RTF2: variants seen among roughly 807,000 people sequenced by gnomAD.
RTF2 encodes replication termination factor 2.
A neutral mutation model predicts 38.0 loss-of-function variants in RTF2; 18 were observed. The ratio of observed to expected loss-of-function variants is 0.47; its 90% CI spans 0.33 to 0.70. The LOEUF is 0.70. Ranked by LOEUF, RTF2 falls within the 30% of genes least tolerant of loss-of-function variation. The pLI, the probability that RTF2 is intolerant of heterozygous loss-of-function variation, is 0.02. For missense variants in RTF2, 311 were observed against 379.6 expected, an observed-to-expected ratio of 0.82 and a Z score of 1.50; for synonymous variants, 126 against 137.1, an observed-to-expected ratio of 0.92 and a Z score of 0.57.
In RTF2 at chr20:56,518,120, A is replaced by G. The variant is rs747742676; in HGVS notation, c.776A>G (p.Lys259Arg). The G allele has an allele frequency of 2.5e-6, 4 of 1,613,172 alleles. No homozygotes were observed. In the South Asian group the frequency reaches 3.3e-5, roughly 13 times the overall value. ...GAGAGCTCTTCTGGAAAAGCTGGGA[A>G]GCCTCCGTGTGGAGCCACAAAGAGG... ...MNESSSGKAG[K>R]PPCGATKRSI... The change falls in exon 9 of 9, where the codon AAG (lysine) becomes AGG (arginine). Residue 259 changes from lysine to arginine, a missense_variant. Lys to Arg is a conservative substitution (Grantham distance 26, BLOSUM62 2). Coordinates refer to ENST00000357348, the MANE Select transcript of RTF2 (RefSeq NM_016407.5).
Position 56,517,348 on chromosome 20 carries a change from G to T in RTF2, c.742+147G>T, listed in dbSNP as rs998789712. Reference sequence around the variant, plus strand: ...GAGAGTGCACTGAACTCTCTTTAGGGGGGTAACTAAGAAATATTGAACACA... The same window carrying T: ...GAGAGTGCACTGAACTCTCTTTAGGTGGGTAACTAAGAAATATTGAACACA... On this transcript the variant is annotated intron_variant, in intron 8 of 8. Coordinates refer to ENST00000357348, the MANE Select transcript of RTF2 (RefSeq NM_016407.5). The T allele has an allele frequency of 1.4e-5, 9 of 656,596 alleles. No homozygotes were observed. In the African/African-American group the frequency reaches 1.6e-4, roughly 12 times the overall value. 40.7% of individuals were successfully genotyped at this position (656,596 alleles called of 1,614,324 possible). A position where few individuals can be genotyped will look rare whatever the true frequency, so the allele number is the denominator to read the frequency against.
intron 5 of RTF2, among the ~76,000 whole-genome samples, chr20:56,493,322 A>G (rs2146340116): frequency 6.6e-6 from 1 of 152,298 alleles, no homozygotes; most frequent in East Asian, 1.9e-4. Context: ...ATTTGCTACA[A>G]TGTGCTAGAA....
At chr20:56,497,792 C>G (rs1319978744) in intron 5 of RTF2, 4 of 342,878 alleles carry the variant, frequency 1.2e-5, no homozygotes, top group Non-Finnish European at 2.1e-5. Context: ...AAGCATTTCC[C>G]TCACTCTTCA....
intron 4 of RTF2, among the ~76,000 whole-genome samples, chr20:56,483,180 C>T (rs1288743567): frequency 6.6e-6 from 1 of 152,136 alleles, no homozygotes; most frequent in East Asian, 1.9e-4. Flanking sequence ...CACATTTGTA[C>T]ATTTGCACAC....
chr20:56,500,925 G>C (rs965976509), intron 5 of RTF2, among the ~76,000 whole-genome samples: 2 of 151,976 alleles, frequency 1.3e-5, no homozygotes, highest in Non-Finnish European at 2.9e-5. Context: ...GGGACTACAG[G>C]CATCTGGCTG....
chr20:56,499,414 C>T lies in RTF2; in HGVS notation c.478-13901C>T, dbSNP rs550335007. Among the ~76,000 whole-genome samples, 614 of 152,120 alleles carry T rather than the reference C, an allele frequency of 4.0e-3. 4 individuals are homozygous for T. The highest frequency in any genetic ancestry group is 0.014 in the African/African-American group (580 of 41,532). On this transcript the variant is annotated intron_variant, in intron 5 of 8. Coordinates refer to ENST00000357348, the MANE Select transcript of RTF2 (RefSeq NM_016407.5). ...GCCAGGCTGGTCTCAAACTCCTGAC[C>T]TCGTGATCCACCCGCCTAGGCCTCC...
intron 5 of RTF2, among the ~76,000 whole-genome samples, chr20:56,486,179 C>T (rs1032275386): frequency 1.3e-5 from 2 of 152,048 alleles, no homozygotes; most frequent in Admixed American, 1.3e-4. Context: ...AGAAAGTCTC[C>T]CTTTAATCTT....
intron 3 of RTF2, among the ~76,000 whole-genome samples, chr20:56,476,409 G>A (rs551566725): frequency 3.3e-5 from 5 of 151,848 alleles, no homozygotes; most frequent in East Asian, 3.9e-4. Flanking sequence ...TATGTAAGAG[G>A]GTACTTTTCC....
intron 5 of RTF2, among the ~76,000 whole-genome samples, chr20:56,495,764 G>A (rs1983489377): frequency 6.6e-6 from 1 of 152,234 alleles, no homozygotes; most frequent in East Asian, 1.9e-4. Context: ...CACTGTCTAG[G>A]CTGATTAGCT....
intron 5 of RTF2, among the ~76,000 whole-genome samples, chr20:56,511,322 G>A (rs907283083): frequency 6.6e-6 from 1 of 152,000 alleles, no homozygotes; most frequent in Admixed American, 6.6e-5. Context: ...CACAAACCCT[G>A]TTGTGAACTG....
At chr20:56,483,603 T>C (rs142546678) in intron 4 of RTF2, among the ~76,000 whole-genome samples, 1 of 152,298 alleles carries the variant, frequency 6.6e-6, no homozygotes, top group East Asian at 1.9e-4. Context: ...CACTGGAATT[T>C]ACAAGTGTGA....
intron 5 of RTF2, chr20:56,504,068 C>G (rs886717825): frequency 6.6e-6 from 1 of 152,290 alleles, no homozygotes; most frequent in African/African-American, 2.4e-5. Context: ...GAGAAGCCCC[C>G]TGGTTCCTGG....
At chr20:56,506,043 A>T (rs182510826) in intron 5 of RTF2, among the ~76,000 whole-genome samples, 2 of 152,218 alleles carry the variant, frequency 1.3e-5, no homozygotes, top group East Asian at 1.9e-4. Flanking sequence ...ACGTATGGGG[A>T]TGTATATTTT....
chr20:56,485,552 G>A (rs186453798), intron 5 of RTF2, among the ~76,000 whole-genome samples: 22 of 152,302 alleles, frequency 1.4e-4, no homozygotes, highest in African/African-American at 4.3e-4. Context: ...GGTGGCTCCC[G>A]TTACCTAGGC....
At chr20:56,474,489 TA>T (rs1982135972) in intron 2 of RTF2, among the ~76,000 whole-genome samples, 188 bp from the exon 3 acceptor site, 1 of 152,132 alleles carries the variant, frequency 6.6e-6, no homozygotes, top group South Asian at 2.1e-4. Flanking sequence ...CTCAAATAAA[TA>T]AATAAATAAT....
At chr20:56,511,872 G>A (rs934903409) in intron 5 of RTF2, among the ~76,000 whole-genome samples, 43 of 151,894 alleles carry the variant, frequency 2.8e-4, no homozygotes, top group Middle Eastern at 3.4e-3. Flanking sequence ...TCGCTCTGTC[G>A]CCCAGGCTGG....
intron 5 of RTF2, chr20:56,496,724 G>A: frequency 6.4e-7 from 1 of 1,551,948 alleles, no homozygotes; most frequent in Non-Finnish European, 8.7e-7. Context: ...TTGCATGGAT[G>A]TCAGTCAGTA....
intron 5 of RTF2, among the ~76,000 whole-genome samples, chr20:56,509,929 G>C (rs1191018639): frequency 6.6e-6 from 1 of 151,806 alleles, no homozygotes; most frequent in African/African-American, 2.4e-5. Flanking sequence ...AAGAAATGTA[G>C]TTCTGATCCA....
intron 5 of RTF2, among the ~76,000 whole-genome samples, chr20:56,506,832 C>G (rs1446823980): frequency 6.6e-6 from 1 of 152,078 alleles, no homozygotes; most frequent in Non-Finnish European, 1.5e-5. Context: ...TCCCGATCAG[C>G]TGAGACTACA....
Sources: gnomAD v4.1 joint callset for allele counts (sites outside exome capture counted in the v4.1 genomes callset) on GRCh38, gnomAD v4.1.1 for gene constraint, MANE v1.5 for transcripts, NCBI Gene and HGNC (gene_info 2026-07-23, HGNC 2026-07-21) for gene names.